The following ALG9 variants were observed in gnomAD, a reference collection of about 807,000 sequenced individuals.
The protein encoded by ALG9 is alpha-1,2-mannosyltransferase ALG9.
In ALG9, 55 loss-of-function variants were observed where a neutral mutation model predicts 81.8. The ratio of observed to expected loss-of-function variants is 0.67; its 90% CI spans 0.54 to 0.84. The LOEUF (loss-of-function observed/expected upper bound fraction) is 0.84, where lower values mean the gene tolerates loss of function less well. ALG9 is among the 40% of genes least tolerant of loss of function. The pLI is 0.00. For synonymous variants in ALG9, 278 were observed against 274.3 expected (o/e 1.01, Z -0.13); for missense variants, 629 against 745.0 (o/e 0.84, Z 1.81).
chr11:111,798,162 C>T, intron 14 of ALG9: 1 of 277,608 alleles, frequency 3.6e-6, no homozygotes, highest in East Asian at 1.3e-4. Context: ...GAGATTGTGT[C>T]ACTGCACTCT....
intron 9 of ALG9, among the ~76,000 whole-genome samples, chr11:111,841,820 CTCT>C (rs1956260255): frequency 6.6e-6 from 1 of 152,192 alleles, no homozygotes; most frequent in African/African-American, 2.4e-5. Flanking sequence ...TCAACTTTTG[CTCT>C]AAGACATTAT....
At chr11:111,845,951 C>G (rs1292446606) in intron 8 of ALG9, among the ~76,000 whole-genome samples, 2 of 152,180 alleles carry the variant, frequency 1.3e-5, no homozygotes, top group Non-Finnish European at 2.9e-5. Context: ...TTGGGGGAAG[C>G]TCACTCCTTC....
At chr11:111,864,786 T>C (rs928833357) in intron 4 of ALG9, among the ~76,000 whole-genome samples, 1 of 151,066 alleles carries the variant, frequency 6.6e-6, no homozygotes, top group Non-Finnish European at 1.5e-5. Flanking sequence ...TTCTTTCTCT[T>C]TTTTTTTTGA....
intron 13 of ALG9, among the ~76,000 whole-genome samples, chr11:111,827,858 C>G (rs1254240610): frequency 7.1e-6 from 1 of 140,020 alleles, no homozygotes; most frequent in African/African-American, 2.7e-5. Flanking sequence ...CAGAGAGAGA[C>G]TCTGTCTCCA....
intron 13 of ALG9, among the ~76,000 whole-genome samples, chr11:111,818,483 GAGTT>G (rs1218407743): frequency 1.3e-5 from 2 of 152,124 alleles, no homozygotes; most frequent in Non-Finnish European, 2.9e-5. Flanking sequence ...CTAAAATACT[GAGTT>G]AGAGAACTGT....
chr11:111,790,591 G>A (rs1265462465), intron 14 of ALG9, among the ~76,000 whole-genome samples: 1 of 152,192 alleles, frequency 6.6e-6, no homozygotes, highest in Non-Finnish European at 1.5e-5. Flanking sequence ...GGGAGAAAAT[G>A]CAATATATGT....
In ALG9 at chr11:111,870,382, C is replaced by CCAAAAAAAAAAAAAAAAAAA; in HGVS notation, c.132-13_132-12insTTTTTTTTTTTTTTTTTTTG. ...TGTTCCCAGATAACCTGTTCAAAAGCAAAAAAAAAAAAAAAAAAAAAAGCA... is the reference window on the plus strand; with the variant it reads ...TGTTCCCAGATAACCTGTTCAAAAGCCAAAAAAAAAAAAAAAAAAAAAAAAAAAAAAAAAAAAAAAAAGCA... On this transcript the variant is annotated splice_polypyrimidine_tract_variant and intron_variant, in intron 1 of 14. Coordinates refer to ENST00000616540, the MANE Select transcript of ALG9 (RefSeq NM_024740.2). 1 of 969,598 alleles carries CCAAAAAAAAAAAAAAAAAAA rather than the reference C, an allele frequency of 1.0e-6. No homozygotes were observed. The allele number at this position is 969,598 out of a possible 1,614,324, so 60.1% of individuals were successfully genotyped here.
At chr11:111,838,575 G>A (rs1955710653) in intron 10 of ALG9, among the ~76,000 whole-genome samples, 176 bp from the exon 11 acceptor site, 1 of 152,144 alleles carries the variant, frequency 6.6e-6, no homozygotes, top group Admixed American at 6.5e-5. Flanking sequence ...TGTAGTCTTG[G>A]CCAGGCAGAG....
chr11:111,853,861 T>C (rs782403852), intron 6 of ALG9, 125 bp from the exon 7 acceptor site: 3 of 852,136 alleles, frequency 3.5e-6, no homozygotes, highest in African/African-American at 1.7e-5. Context: ...GGAAGAAACC[T>C]GGTATGTGAG....
intron 13 of ALG9, among the ~76,000 whole-genome samples, chr11:111,822,408 CAAAAAAAAAAA>C (rs56367678): frequency 1.5e-5 from 1 of 66,548 alleles, no homozygotes; most frequent in Non-Finnish European, 2.6e-5. Flanking sequence ...AACTCAGTCT[CAAAAAAAAAAA>C]AAAAAAAAAA....
intron 4 of ALG9, among the ~76,000 whole-genome samples, chr11:111,861,221 T>C (rs546609561): frequency 1.3e-5 from 2 of 152,354 alleles, no homozygotes; most frequent in East Asian, 3.9e-4. Flanking sequence ...TAATTCTTTC[T>C]TGTAGGTGTG....
intron 8 of ALG9, 87 bp downstream of exon 8, chr11:111,853,290 CTAA>C (rs1958118497): frequency 1.2e-6 from 1 of 866,032 alleles, no homozygotes; most frequent in South Asian, 1.4e-5. Context: ...AATGCTACAT[CTAA>C]TAATACGAGG....
In ALG9 at chr11:111,836,340, T is replaced by C. The variant is rs1955273672; in HGVS notation, c.1473-46A>G. 3.1e-6 allele frequency: 5 copies of C among 1,610,204 alleles called. No individual in the cohort carries two copies. In the South Asian group the frequency reaches 4.4e-5, roughly 14 times the overall value. On this transcript the variant is annotated intron_variant, in intron 12 of 14. Transcript: ENST00000616540. ...ATAAGAAAAACACAGGGGGATAATATTGCTAAATGTACTTGAAACAAACAA... is the reference window on the plus strand; with the variant it reads ...ATAAGAAAAACACAGGGGGATAATACTGCTAAATGTACTTGAAACAAACAA...
intron 8 of ALG9, among the ~76,000 whole-genome samples, chr11:111,849,249 C>T (rs1173441067): frequency 6.6e-6 from 1 of 152,052 alleles, no homozygotes; most frequent in African/African-American, 2.4e-5. Context: ...TGGGGTTTCA[C>T]CATGTCGGCC....
At position 111,870,268 on chromosome 11, in the gene ALG9, G is replaced by C. The variant is rs1555157085; in HGVS notation, c.234C>G (p.Ile78Met). The part of the protein sequence containing the change: ...ARLCAALLSN[I>M]SDCDETFNYW... ...AGTTGAATGTTTCATCACAGTCAGA[G>C]ATGTTGCTCAGGAGAGCAGCACATA... The change falls in exon 2 of 15, where the codon ATC becomes ATG. Residue 78 changes from isoleucine to methionine, a missense_variant. This residue lies in a region of ALG9 where 344 missense variants were observed against 390.5 expected (regional missense o/e 0.88). Transcript: ENST00000616540. 6.2e-7 allele frequency: 1 copy of C among 1,610,376 alleles called. No individual in the cohort carries two copies. Among genetic ancestry groups the C allele is most frequent in the East Asian group, 2.2e-5 (1 of 44,744 alleles).
At chr11:111,797,575 T>C (rs1228236272) in intron 14 of ALG9, among the ~76,000 whole-genome samples, 4 of 152,256 alleles carry the variant, frequency 2.6e-5, no homozygotes, top group African/African-American at 9.6e-5. Flanking sequence ...GGATGACTGT[T>C]ACACAGCAAT....
chr11:111,822,568 CT>C (rs1484563246), intron 13 of ALG9, among the ~76,000 whole-genome samples: 1 of 151,928 alleles, frequency 6.6e-6, no homozygotes, highest in East Asian at 1.9e-4. Flanking sequence ...AAAAATTTAG[CT>C]GGGTGTGGTG....
chr11:111,866,397 G>A (rs1962466482), intron 3 of ALG9, among the ~76,000 whole-genome samples: 1 of 152,118 alleles, frequency 6.6e-6, no homozygotes. Flanking sequence ...ATACAAAGGT[G>A]CTTTCATTTG....
At chr11:111,856,684 A>G (rs1176487957) in intron 6 of ALG9, among the ~76,000 whole-genome samples, 1 of 150,742 alleles carries the variant, frequency 6.6e-6, no homozygotes, top group African/African-American at 2.4e-5. Flanking sequence ...TTAGCATCAG[A>G]TTAAAATATT....
Sources: allele counts gnomAD v4.1 joint callset (sites outside exome capture counted in the v4.1 genomes callset), GRCh38; gene constraint gnomAD v4.1.1; regional missense constraint gnomAD v4.1.1; transcripts MANE v1.5; gene names NCBI Gene and HGNC (gene_info 2026-07-23, HGNC 2026-07-21).